Variants in ATP2B2 observed in about 807,000 individuals in gnomAD.
The protein encoded by ATP2B2 is plasma membrane calcium-transporting ATPase 2.
ATP2B2 carries 15 observed loss-of-function variants against 120.0 expected under a neutral mutation model. The observed-to-expected ratio is 0.12, with a 90% CI of 0.08 to 0.19. ATP2B2 has a LOEUF of 0.19. Ranked by LOEUF, ATP2B2 falls within the 10% of genes least tolerant of loss-of-function variation. The pLI is 1.00. For missense variants in ATP2B2, 1,045 were observed against 1,719.8 expected, an observed-to-expected ratio of 0.61 and a Z score of 6.94; for synonymous variants, 694 against 700.3, an observed-to-expected ratio of 0.99 and a Z score of 0.14.
chr3:10,689,703 C>T (rs1416463431), intron 1 of ATP2B2, among the ~76,000 whole-genome samples: 1 of 152,196 alleles, frequency 6.6e-6, no homozygotes, highest in Non-Finnish European at 1.5e-5. Context: ...CTGTCATGGA[C>T]CAGCATTGCC....
intron 22 of ATP2B2, among the ~76,000 whole-genome samples, chr3:10,330,955 C>T (rs1431897357): frequency 1.3e-5 from 2 of 152,058 alleles, no homozygotes; most frequent in Non-Finnish European, 2.9e-5. Context: ...TAGGTAAGAC[C>T]CCATGGATTG....
rs183210775 is a variant in ATP2B2, at chr3:10,329,650, G to T, written c.3421-525C>A. 9.6e-4 allele frequency among the ~76,000 whole-genome samples: 146 copies of T among 152,194 alleles called. 2 individuals are homozygous for T. The highest frequency in any genetic ancestry group is 3.4e-3 in the African/African-American group (143 of 41,510). Reference sequence around the variant, plus strand: ...CAGAAAAGGCACAGAAAGGAGAGACGGTTGGATGAGTTGGGATGAGAGAGA... The same window carrying T: ...CAGAAAAGGCACAGAAAGGAGAGACTGTTGGATGAGTTGGGATGAGAGAGA... On this transcript the variant is annotated intron_variant, in intron 22 of 22. Transcript: ENST00000360273. The surrounding 1 kb of genome is among the most constrained non-coding windows in gnomAD (Gnocchi z 5.9).
chr3:10,334,412 C>A (rs1408365936), intron 22 of ATP2B2, among the ~76,000 whole-genome samples: 1 of 152,100 alleles, frequency 6.6e-6, no homozygotes, highest in Non-Finnish European at 1.5e-5. Context: ...CTGAGCAAGG[C>A]CAGAGCTGAG....
At chr3:10,535,781 T>A (rs1229318670) in intron 2 of ATP2B2, among the ~76,000 whole-genome samples, 8 of 152,358 alleles carry the variant, frequency 5.3e-5, no homozygotes, top group East Asian at 1.9e-4. Flanking sequence ...TGAAAGGACA[T>A]CTGTGTTACT....
intron 1 of ATP2B2, among the ~76,000 whole-genome samples, chr3:10,694,626 G>A (rs2071715109): frequency 6.6e-6 from 1 of 152,194 alleles, no homozygotes; most frequent in Non-Finnish European, 1.5e-5. Context: ...GACCAGCAGA[G>A]TATATGGCAC....
At chr3:10,689,353 G>C (rs1004356443) in intron 1 of ATP2B2, among the ~76,000 whole-genome samples, 1 of 152,126 alleles carries the variant, frequency 6.6e-6, no homozygotes, top group African/African-American at 2.4e-5. Context: ...TCTCAACTGT[G>C]TGACGGGAAA....
At chr3:10,681,020 G>A (rs1420429747) in intron 1 of ATP2B2, among the ~76,000 whole-genome samples, 1 of 152,026 alleles carries the variant, frequency 6.6e-6, no homozygotes, top group Non-Finnish European at 1.5e-5. Context: ...AAAAGCATGC[G>A]GCACCTCCTT....
Position 10,346,157 on chromosome 3 carries a change from C to T in ATP2B2, c.2405-20G>A, listed in dbSNP as rs746947635. 3.1e-5 allele frequency: 50 copies of T among 1,607,058 alleles called. No homozygotes were observed. Among genetic ancestry groups the T allele is most frequent in the Admixed American group, 2.3e-4 (14 of 59,978 alleles). On this transcript the variant is annotated intron_variant, in intron 16 of 22. Coordinates refer to ENST00000360273, the MANE Select transcript of ATP2B2 (RefSeq NM_001001331.4). The surrounding 1 kb of genome is among the most constrained non-coding windows in gnomAD (Gnocchi z 4.1). ...TGATGCCTGTTGGGGCAGGAGTGTGCTCAGGCCCTGGGCCACTCAGGTGGG... is the reference window on the plus strand; with the variant it reads ...TGATGCCTGTTGGGGCAGGAGTGTGTTCAGGCCCTGGGCCACTCAGGTGGG...
chr3:10,550,599 A>G (rs915885835), intron 2 of ATP2B2, among the ~76,000 whole-genome samples: 14 of 152,162 alleles, frequency 9.2e-5, no homozygotes, highest in Non-Finnish European at 2.1e-4. Context: ...CAATGCTCCA[A>G]TGAAAGTCAA....
chr3:10,386,569 C>T (rs1241577119), intron 6 of ATP2B2, 57 bp from the exon 7 acceptor site: 9 of 1,586,298 alleles, frequency 5.7e-6, no homozygotes, highest in Non-Finnish European at 7.8e-6. Context: ...CCTCATCTGC[C>T]CATGCGCACG....
At chr3:10,669,600 G>C (rs1460333467) in intron 1 of ATP2B2, among the ~76,000 whole-genome samples, 2 of 152,152 alleles carry the variant, frequency 1.3e-5, no homozygotes, top group Non-Finnish European at 2.9e-5. Flanking sequence ...GTGGGCCCAG[G>C]CACCCATAAA....
At chr3:10,392,888 C>T (rs1273944954) in intron 5 of ATP2B2, among the ~76,000 whole-genome samples, 1 of 152,236 alleles carries the variant, frequency 6.6e-6, no homozygotes, top group African/African-American at 2.4e-5. Flanking sequence ...CTAAGGGAGA[C>T]CAGCCTAGGG....
chr3:10,584,573 C>T (rs1008774825), intron 2 of ATP2B2, among the ~76,000 whole-genome samples: 25 of 152,126 alleles, frequency 1.6e-4, no homozygotes, highest in African/African-American at 4.8e-4. Context: ...CTGAGCTGCC[C>T]GCTCTTTCCA....
chr3:10,421,031 G>C (rs2062960476), intron 2 of ATP2B2, among the ~76,000 whole-genome samples: 1 of 152,148 alleles, frequency 6.6e-6, no homozygotes, highest in South Asian at 2.1e-4. Flanking sequence ...GGACTTGTTA[G>C]AAATGCACAT....
Position 10,350,161 on chromosome 3 carries a change from C to T in ATP2B2, c.2355G>A (p.Leu785=), listed in dbSNP as rs1486496757. The T allele has an allele frequency of 1.9e-6, 3 of 1,610,396 alleles. No homozygotes were observed. Among genetic ancestry groups the T allele is most frequent in the East Asian group, 4.5e-5 (2 of 44,716 alleles). ...TTGGGGAGGAGCGAGCCAGCACCCG[C>T]AGCTTTGGCCAGATCTTGTCAATTC... ...QERIDKIWPK[L]RVLARSSPTD... Residue 785 remains leucine (L), a synonymous_variant, in exon 16 of 23, where the codon CTG becomes CTA. Coordinates refer to ENST00000360273, the MANE Select transcript of ATP2B2 (RefSeq NM_001001331.4).
chr3:10,466,687 G>T (rs34871), intron 1 of ATP2B2, among the ~76,000 whole-genome samples: 104,398 of 152,050 alleles, frequency 0.69, 36,773 homozygotes, highest in Non-Finnish European at 0.77. Context: ...ACTTTAGCTT[G>T]CAGGAAAATC....
chr3:10,329,206 G>C lies in ATP2B2; in HGVS notation c.3421-81C>G. ...GGGGGCTCACAGGAGGGGCGGGTGGGAGAAGGGTTAGGGCAAAGCAGGTGG... is the reference window on the plus strand; with the variant it reads ...GGGGGCTCACAGGAGGGGCGGGTGGCAGAAGGGTTAGGGCAAAGCAGGTGG... On this transcript the variant is annotated intron_variant, in intron 22 of 22. Transcript: ENST00000360273. The surrounding 1 kb of genome is among the most constrained non-coding windows in gnomAD (Gnocchi z 5.9). The C allele has an allele frequency of 1.7e-5, 15 of 902,398 alleles. No homozygotes were observed. The highest frequency in any genetic ancestry group is 2.6e-4 in the Middle Eastern group (1 of 3,856). The allele number at this position is 902,398 out of a possible 1,614,324, so 55.9% of individuals were successfully genotyped here.
chr3:10,623,054 CTTT>C (rs34097914), intron 1 of ATP2B2, among the ~76,000 whole-genome samples: 1 of 106,608 alleles, frequency 9.4e-6, no homozygotes, highest in Non-Finnish European at 1.8e-5. Context: ...TTGGTCAGCT[CTTT>C]TTTTTTTTTT....
intron 2 of ATP2B2, among the ~76,000 whole-genome samples, chr3:10,425,455 T>TA (rs1373216645): frequency 2.0e-5 from 3 of 152,176 alleles, no homozygotes; most frequent in African/African-American, 7.2e-5. Flanking sequence ...ATTCCTGGGT[T>TA]AAAATCTCAG....
Sources: gnomAD v4.1 joint callset for allele counts (sites outside exome capture counted in the v4.1 genomes callset) on GRCh38, gnomAD v4.1.1 for gene constraint, Gnocchi (gnomAD v3.1) non-coding constraint, MANE v1.5 for transcripts, NCBI Gene and HGNC (gene_info 2026-07-23, HGNC 2026-07-21) for gene names.